SLC4A10: variants seen among roughly 807,000 people sequenced by gnomAD.
SLC4A10 encodes solute carrier family 4 member 10.
A neutral mutation model predicts 137.7 loss-of-function variants in SLC4A10; 42 were observed. The observed-to-expected ratio is 0.30, with a 90% CI of 0.24 to 0.39. SLC4A10 has a LOEUF of 0.39. Ranked by LOEUF, SLC4A10 falls within the 10% of genes least tolerant of loss-of-function variation. The probability of loss-of-function intolerance (pLI) is 1.00; values close to 1 mark genes in which losing one functional copy is unlikely to be tolerated. For missense variants in SLC4A10, 925 were observed against 1,355.0 expected (o/e 0.68, Z 4.98); for synonymous variants, 474 against 464.1 (o/e 1.02, Z -0.27).
intron 1 of SLC4A10, among the ~76,000 whole-genome samples, chr2:161,669,455 C>T (rs1193596643): frequency 6.6e-6 from 1 of 151,782 alleles, no homozygotes; most frequent in Non-Finnish European, 1.5e-5. Flanking sequence ...CATTGGACTG[C>T]CTCTTTTCAA....
At chr2:161,719,632 T>G (rs1259752694) in intron 1 of SLC4A10, among the ~76,000 whole-genome samples, 18 of 152,222 alleles carry the variant, frequency 1.2e-4, no homozygotes, top group Non-Finnish European at 2.4e-4. Context: ...TGGTTTTGAT[T>G]TGCATTTCTC....
chr2:161,709,801 A>G (rs1205519648), intron 1 of SLC4A10: 1 of 151,624 alleles, frequency 6.6e-6, no homozygotes, highest in African/African-American at 2.4e-5. Context: ...GAAACTACCT[A>G]TATTTGACAT....
intron 15 of SLC4A10, among the ~76,000 whole-genome samples, chr2:161,922,657 A>G (rs937072225): frequency 6.6e-6 from 1 of 152,222 alleles, no homozygotes; most frequent in Admixed American, 6.5e-5. Flanking sequence ...AAAGAAGTAT[A>G]CCAAAAATTT....
chr2:161,872,230 C>T, intron 6 of SLC4A10, 63 bp from the exon 7 acceptor site: 2 of 1,272,064 alleles, frequency 1.6e-6, no homozygotes, highest in South Asian at 2.6e-5. Flanking sequence ...GTGCCTATTT[C>T]ACTCAGTATG....
intron 3 of SLC4A10, among the ~76,000 whole-genome samples, chr2:161,826,612 A>G (rs901285255): frequency 1.5e-4 from 23 of 152,210 alleles, no homozygotes; most frequent in African/African-American, 5.5e-4. Flanking sequence ...GTGAGTTATT[A>G]AGGCAATATA....
chr2:161,641,343 C>A (rs2035295305), intron 1 of SLC4A10, among the ~76,000 whole-genome samples: 1 of 152,046 alleles, frequency 6.6e-6, no homozygotes, highest in Non-Finnish European at 1.5e-5. Context: ...GAAGAACTGA[C>A]CAAAAGTCAT....
At chr2:161,917,019 C>A (rs1267798845) in intron 15 of SLC4A10, among the ~76,000 whole-genome samples, 2 of 152,138 alleles carry the variant, frequency 1.3e-5, no homozygotes, top group Admixed American at 1.3e-4. Context: ...AAAAATGTTT[C>A]CTTGTGCTCC....
chr2:161,978,384 CAA>C (rs61399867), intron 26 of SLC4A10, among the ~76,000 whole-genome samples: 1 of 90,486 alleles, frequency 1.1e-5, no homozygotes, highest in South Asian at 4.4e-4. Context: ...GAGACTCTGT[CAA>C]AAAAAAAAAA....
At chr2:161,801,358 AAT>A (rs749892194) in intron 2 of SLC4A10, among the ~76,000 whole-genome samples, 1 of 151,684 alleles carries the variant, frequency 6.6e-6, no homozygotes. Context: ...CTTCTCTCTT[AAT>A]ATATATATAT....
At chr2:161,810,247 A>G (rs555152130) in intron 3 of SLC4A10, among the ~76,000 whole-genome samples, 1 of 152,072 alleles carries the variant, frequency 6.6e-6, no homozygotes, top group South Asian at 2.1e-4. Context: ...GAAATTGTCA[A>G]TTCTAGTTGC....
intron 3 of SLC4A10, among the ~76,000 whole-genome samples, chr2:161,832,987 G>A (rs901337726): frequency 4.6e-5 from 7 of 152,178 alleles, no homozygotes; most frequent in Admixed American, 1.3e-4. Context: ...TGATCCGCCC[G>A]CCTCAGTCTC....
intron 1 of SLC4A10, among the ~76,000 whole-genome samples, chr2:161,706,399 C>T (rs1171596716): frequency 2.0e-5 from 3 of 151,526 alleles, no homozygotes; most frequent in South Asian, 2.1e-4. Flanking sequence ...CTTGATGTTT[C>T]GCTTTTCCTC....
At position 161,927,178 on chromosome 2, in the gene SLC4A10, G is replaced by T. The variant is rs571379507; in HGVS notation, c.1998-15614G>T. ...TTTTCCAACTTGGTTCCATTCTCCC[G>T]GTCACTTTCAGGTACACCAATCGGA... is the stretch of plus-strand genomic sequence containing the variant. On this transcript the variant is annotated intron_variant, in intron 15 of 26. Coordinates refer to ENST00000446997, the MANE Select transcript of SLC4A10 (RefSeq NM_001178015.2). Among the ~76,000 whole-genome samples, 104 of 152,100 alleles carry T rather than the reference G, an allele frequency of 6.8e-4. 1 individual carries two copies. Among genetic ancestry groups the T allele is most frequent in the Non-Finnish European group, 5.0e-4 (34 of 67,974 alleles).
chr2:161,917,362 T>C (rs189527757), intron 15 of SLC4A10, among the ~76,000 whole-genome samples: 10 of 152,236 alleles, frequency 6.6e-5, no homozygotes, highest in Non-Finnish European at 1.2e-4. Flanking sequence ...GATAGTTAGA[T>C]AGTGTAGATA....
intron 11 of SLC4A10, among the ~76,000 whole-genome samples, chr2:161,897,140 TTTTG>T (rs1332199338): frequency 2.6e-5 from 4 of 152,134 alleles, no homozygotes; most frequent in Non-Finnish European, 5.9e-5. Flanking sequence ...ATTTTTTAAA[TTTTG>T]TTTATGAACA....
intron 3 of SLC4A10, among the ~76,000 whole-genome samples, chr2:161,822,376 G>A (rs932765040): frequency 3.9e-5 from 6 of 152,190 alleles, no homozygotes; most frequent in African/African-American, 1.4e-4. Context: ...GAAGTGATTG[G>A]GTAGTCAGAA....
At chr2:161,798,113 T>G (rs1229118035) in intron 2 of SLC4A10, among the ~76,000 whole-genome samples, 1 of 151,996 alleles carries the variant, frequency 6.6e-6, no homozygotes, top group Non-Finnish European at 1.5e-5. Context: ...TCTCTGTTAC[T>G]CTCCCTTAGC....
chr2:161,910,113 A>T (rs1266079004), intron 15 of SLC4A10, among the ~76,000 whole-genome samples: 1 of 152,140 alleles, frequency 6.6e-6, no homozygotes, highest in East Asian at 1.9e-4. Context: ...ATATTTGAAA[A>T]AAGTCATCAT....
chr2:161,855,209 C>T (rs979907406), intron 5 of SLC4A10, 79 bp downstream of exon 5: 27 of 1,350,168 alleles, frequency 2.0e-5, no homozygotes, highest in East Asian at 7.3e-5. Flanking sequence ...ATTCAATATA[C>T]GTATGAACTT....
Sources: gnomAD v4.1 joint callset for allele counts (sites outside exome capture counted in the v4.1 genomes callset) on GRCh38, gnomAD v4.1.1 for gene constraint, MANE v1.5 for transcripts, NCBI Gene and HGNC (gene_info 2026-07-23, HGNC 2026-07-21) for gene names.